The following PCDHGA9 variants were observed in gnomAD, a reference collection of about 807,000 sequenced individuals.
PCDHGA9 encodes the protein protocadherin gamma subfamily A, 9, also known as protocadherin gamma-A9.
PCDHGA9 carries 37 observed loss-of-function variants against 62.5 expected under a neutral mutation model. The observed-to-expected ratio is 0.59, with a 90% CI of 0.46 to 0.78. PCDHGA9 has a LOEUF of 0.78. Among genes scored for constraint, PCDHGA9 ranks in the 30% least tolerant of loss-of-function variants. PCDHGA9 has a pLI of 0.00. For missense variants in PCDHGA9, 1,138 were observed against 1,166.2 expected, an observed-to-expected ratio of 0.98 and a Z score of 0.35; for synonymous variants, 459 against 484.6, an observed-to-expected ratio of 0.95 and a Z score of 0.69.
rs150692324 is a variant in PCDHGA9 at position 141,431,149 on chromosome 5, G to T, written c.2424+25773G>T. 1.2e-6 allele frequency: 2 copies of T among 1,614,210 alleles called. No homozygotes were observed. Among genetic ancestry groups the T allele is most frequent in the Non-Finnish European group, 1.7e-6 (2 of 1,180,020 alleles). ...AAGTAAGGGACATTAACGACAATGC[G>T]CCTTACTTTCGTGAAAGTGAATTAG... On this transcript the variant is annotated intron_variant, in intron 1 of 3. Coordinates refer to ENST00000573521, the MANE Select transcript of PCDHGA9 (RefSeq NM_018921.3). This position sits in a 1 kb window ranked among gnomAD's most constrained non-coding sequence, Gnocchi z 4.8.
chr5:141,430,949 GT>G (rs1391027030), intron 1 of PCDHGA9: 5 of 1,610,510 alleles, frequency 3.1e-6, no homozygotes, highest in Non-Finnish European at 4.2e-6. Flanking sequence ...GGAGCGCGGA[GT>G]CCGCATCATC....
intron 1 of PCDHGA9, chr5:141,408,367 G>T: frequency 6.2e-7 from 1 of 1,613,998 alleles, no homozygotes; most frequent in Non-Finnish European, 8.5e-7. Context: ...AGGATCTAGG[G>T]CTCAGTGTCC....
chr5:141,502,238 T>C (rs2099813398), intron 2 of PCDHGA9, among the ~76,000 whole-genome samples: 1 of 152,204 alleles, frequency 6.6e-6, no homozygotes, highest in Admixed American at 6.5e-5. Flanking sequence ...TGTGTTCTTT[T>C]ATCCTTTTTT....
In PCDHGA9 at chr5:141,511,555, C is replaced by T; in HGVS notation, c.*382C>T. 1 of 305,302 alleles carries T rather than the reference C, an allele frequency of 3.3e-6. No individual in the cohort carries two copies. Among genetic ancestry groups the T allele is most frequent in the South Asian group, 3.6e-5 (1 of 28,078 alleles). 18.9% of individuals were successfully genotyped at this position (305,302 alleles called of 1,614,324 possible). ...CCTCCCCACCCCACTCCAACAGTTC[C>T]TCTTTCCCGAGTAAGGTGGTTGGGG... On this transcript the variant is annotated 3_prime_UTR_variant, in exon 4 of 4. Coordinates refer to ENST00000573521, the MANE Select transcript of PCDHGA9 (RefSeq NM_018921.3).
At chr5:141,415,063 G>A (rs569362520) in intron 1 of PCDHGA9, 3 of 1,613,432 alleles carry the variant, frequency 1.9e-6, no homozygotes, top group Admixed American at 1.7e-5. Flanking sequence ...CACGGGCGAG[G>A]TGCGCACGGC....
At chr5:141,430,784 G>T in intron 1 of PCDHGA9, 1 of 1,512,418 alleles carries the variant, frequency 6.6e-7, no homozygotes, top group East Asian at 2.3e-5. Flanking sequence ...ACTGCACCGG[G>T]ACTACAAAGG....
intron 1 of PCDHGA9, among the ~76,000 whole-genome samples, chr5:141,473,775 T>A (rs1219791398): frequency 6.6e-6 from 1 of 152,190 alleles, no homozygotes; most frequent in African/African-American, 2.4e-5. Flanking sequence ...ATTTGGTATT[T>A]TAATTCAAGA....
chr5:141,507,570 G>A (rs562674847), intron 3 of PCDHGA9, among the ~76,000 whole-genome samples: 1 of 152,366 alleles, frequency 6.6e-6, no homozygotes, highest in South Asian at 2.1e-4. Flanking sequence ...CTGGGTCTGA[G>A]GAGATGCCAA....
Position 141,485,574 on chromosome 5 carries a change from C to T in PCDHGA9, c.2425-9233C>T. 1 of 1,612,568 alleles carries T rather than the reference C, an allele frequency of 6.2e-7. No homozygotes were observed. Among genetic ancestry groups the T allele is most frequent in the Non-Finnish European group, 8.5e-7 (1 of 1,178,752 alleles). On this transcript the variant is annotated intron_variant, in intron 1 of 3. Transcript: ENST00000573521. This position sits in a 1 kb window ranked among gnomAD's most constrained non-coding sequence, Gnocchi z 5.7. ...GTGAATGATCACGCCCCCCGTTTTCCGCGGCAGCAGCTGGACTTGGAAATT... is the reference window on the plus strand; with the variant it reads ...GTGAATGATCACGCCCCCCGTTTTCTGCGGCAGCAGCTGGACTTGGAAATT...
At chr5:141,422,040 C>T (rs1045003805) in intron 1 of PCDHGA9, 10 of 1,611,324 alleles carry the variant, frequency 6.2e-6, no homozygotes, top group African/African-American at 4.0e-5. Context: ...CGGATCCAGA[C>T]GAGGGAATCA....
chr5:141,500,175 CA>C (rs762724660), intron 2 of PCDHGA9, among the ~76,000 whole-genome samples: 15 of 147,258 alleles, frequency 1.0e-4, no homozygotes, highest in Non-Finnish European at 1.5e-4. Flanking sequence ...GCATGAGCTT[CA>C]TTTTTATTTT....
At chr5:141,463,301 A>G (rs1277348576) in intron 1 of PCDHGA9, among the ~76,000 whole-genome samples, 2 of 151,638 alleles carry the variant, frequency 1.3e-5, no homozygotes, top group South Asian at 2.1e-4. Flanking sequence ...AATCTCCCCA[A>G]ACTCTAATAT....
chr5:141,414,519 T>C (rs754685087), intron 1 of PCDHGA9: 6 of 1,613,856 alleles, frequency 3.7e-6, no homozygotes, highest in Non-Finnish European at 5.1e-6. Context: ...AAGTGGCAGA[T>C]ATCAATGACA....
In PCDHGA9 at chr5:141,414,101, A is replaced by G. The variant is rs759223225; in HGVS notation, c.2424+8725A>G. On this transcript the variant is annotated intron_variant, in intron 1 of 3. Transcript: ENST00000573521. ...TATACTGGAGAAATAAAAATATCAG[A>G]AAATCTAGATTATGAAGAAACCGGT... 1.9e-6 allele frequency: 3 copies of G among 1,593,930 alleles called. No individual in the cohort carries two copies. The African/African-American group carries it at 4.0e-5, about 21-fold the overall frequency.
At position 141,403,568 on chromosome 5, in the gene PCDHGA9, ACTGCCCACCAC is replaced by A. The variant is rs758329896; in HGVS notation, c.620_630del (p.Ala207GlyfsTer27). On this transcript the variant is annotated frameshift_variant, in exon 1 of 4. Coordinates refer to ENST00000573521, the MANE Select transcript of PCDHGA9 (RefSeq NM_018921.3). LOFTEE classifies it high-confidence loss of function. The stretch of plus-strand genomic sequence containing the variant: ...GCGCGCCCTGGACAGGGAGGAGGCA[ACTGCCCACCAC>A]CTGGTCCTCACGGCCTCGGATGGCG... The A allele has an allele frequency of 2.5e-6, 4 of 1,613,918 alleles. No individual in the cohort carries two copies. In the South Asian group the frequency reaches 4.4e-5, roughly 18 times the overall value.
chr5:141,448,545 A>T lies in PCDHGA9; in HGVS notation c.2424+43169A>T, dbSNP rs537259621. On this transcript the variant is annotated intron_variant, in intron 1 of 3. Coordinates refer to ENST00000573521, the MANE Select transcript of PCDHGA9 (RefSeq NM_018921.3). ...AGCATCCTGTCAGCATTTCTTATGC[A>T]AATATGTACATATATTTTTATTTCC... 1.5e-4 allele frequency among the ~76,000 whole-genome samples: 23 copies of T among 152,334 alleles called. 1 individual carries two copies. The South Asian group carries it at 2.7e-3, about 18-fold the overall frequency.
At chr5:141,503,229 T>C (rs986982708) in intron 2 of PCDHGA9, among the ~76,000 whole-genome samples, 1 of 152,080 alleles carries the variant, frequency 6.6e-6, no homozygotes, top group African/African-American at 2.4e-5. Context: ...ACCGTAAAGA[T>C]GGACAGTTTC....
In PCDHGA9 at chr5:141,511,979, T is replaced by C. The variant is rs1205375941; in HGVS notation, c.*806T>C. ...AGGAAGGGAAGTGTGTGGATGTGGA[T>C]GGTGGGGGCATGGACAAAGCTTGAC... On this transcript the variant is annotated 3_prime_UTR_variant, in exon 4 of 4. Transcript: ENST00000573521. The C allele has an allele frequency of 6.5e-5, 10 of 153,278 alleles. No individual in the cohort carries two copies. The highest frequency in any genetic ancestry group is 1.5e-4 in the Non-Finnish European group (10 of 68,568). The allele number at this position is 153,278 out of a possible 1,614,324, so 9.5% of individuals were successfully genotyped here.
chr5:141,501,025 C>T (rs999221755), intron 2 of PCDHGA9, among the ~76,000 whole-genome samples: 94 of 152,100 alleles, frequency 6.2e-4, no homozygotes, highest in East Asian at 1.9e-3. Flanking sequence ...CGCGCCACCA[C>T]GCCCAGCTAA....
Sources: gnomAD v4.1 joint callset for allele counts (sites outside exome capture counted in the v4.1 genomes callset) on GRCh38, gnomAD v4.1.1 for gene constraint, Gnocchi (gnomAD v3.1) non-coding constraint, MANE v1.5 for transcripts, NCBI Gene and HGNC (gene_info 2026-07-23, HGNC 2026-07-21) for gene names.